MORC2: variants seen among roughly 807,000 people sequenced by gnomAD.
MORC2 encodes MORC family CW-type zinc finger 2.
In MORC2, 30 loss-of-function variants were observed where a neutral mutation model predicts 136.0. The observed-to-expected ratio is 0.22, with a 90% confidence interval of 0.17 to 0.30. The LOEUF is 0.30. MORC2 is among the 10% of genes least tolerant of loss of function. The pLI, the probability that MORC2 is intolerant of heterozygous loss-of-function variation, is 1.00. For missense variants in MORC2, 922 were observed against 1,333.1 expected (o/e 0.69, Z 4.80); for synonymous variants, 439 against 487.0 (o/e 0.90, Z 1.30).
rs779155513 is a variant in MORC2, at chr22:30,937,639, C to A, written c.1442G>T (p.Ser481Ile). 1.4e-5 allele frequency: 23 copies of A among 1,613,930 alleles called. No homozygotes were observed. In the South Asian group the frequency reaches 2.1e-4, roughly 15 times the overall value. ...LSANWNQPPS[S>I]ELRYKRRRAM... is the part of the protein sequence containing the mutation. The stretch of plus-strand genomic sequence containing the variant: ...TCTCCGGCGTTTGTAACGCAGCTCA[C>A]TGGATGGGGGCTGGTTCCAGTTGGC... Residue 481 changes from serine to isoleucine, a missense_variant, in exon 15 of 26, where the codon AGT becomes ATT. Ser to Ile is a moderately radical substitution (Grantham distance 142). Transcript: ENST00000397641. The surrounding 1 kb of genome is among the most constrained non-coding windows in gnomAD (Gnocchi z 4.7).
At chr22:30,952,153 A>G (rs1261516228) in intron 3 of MORC2, among the ~76,000 whole-genome samples, 1 of 152,212 alleles carries the variant, frequency 6.6e-6, no homozygotes, top group Non-Finnish European at 1.5e-5. Context: ...ATAAAAGTCC[A>G]AAAAGGCTTC....
At chr22:30,967,008 G>T in intron 1 of MORC2, 2 of 815,066 alleles carry the variant, frequency 2.5e-6, no homozygotes, top group Non-Finnish European at 3.0e-6. Flanking sequence ...TTCAGAGACT[G>T]GACCATTCAT....
chr22:30,931,769 C>T (rs1016303101), intron 24 of MORC2, among the ~76,000 whole-genome samples: 8 of 152,370 alleles, frequency 5.3e-5, no homozygotes, highest in African/African-American at 1.9e-4. Flanking sequence ...GCTGCTCCTG[C>T]CCCCATGTCC....
chr22:30,941,592 CT>C lies in MORC2; in HGVS notation c.699-35del, dbSNP rs1569194922. The C allele has an allele frequency of 6.2e-7, 1 of 1,604,150 alleles. No individual in the cohort carries two copies. The highest frequency in any genetic ancestry group is 2.2e-5 in the East Asian group (1 of 44,592). On this transcript the variant is annotated intron_variant, in intron 8 of 25. Coordinates refer to ENST00000397641, the MANE Select transcript of MORC2 (RefSeq NM_001303256.3). The surrounding 1 kb of genome is among the most constrained non-coding windows in gnomAD (Gnocchi z 4.6). ...GGCAAAAACAGAGAAGTGCTGTCACCTGCTCCACAACAGGCCTGACCAAGGG... is the reference window on the plus strand; with the variant it reads ...GGCAAAAACAGAGAAGTGCTGTCACCGCTCCACAACAGGCCTGACCAAGGG...
intron 1 of MORC2, among the ~76,000 whole-genome samples, chr22:30,962,735 C>G (rs2041068298): frequency 6.6e-6 from 1 of 152,106 alleles, no homozygotes; most frequent in South Asian, 2.1e-4. Flanking sequence ...CAGTACATAT[C>G]ATAAAAGAAG....
rs771703018 is a variant in MORC2 at position 30,934,773 on chromosome 22, C to T, written c.2193+8G>A. Reference sequence around the variant, plus strand: ...GGGCTGGGGTATTAAAGAGGACAAGCGTCTCACCGGGGAGAGTTTGATGGG... The same window carrying T: ...GGGCTGGGGTATTAAAGAGGACAAGTGTCTCACCGGGGAGAGTTTGATGGG... On this transcript the variant is annotated splice_region_variant and intron_variant, in intron 19 of 25. Transcript: ENST00000397641. The surrounding 1 kb of genome is among the most constrained non-coding windows in gnomAD (Gnocchi z 4.4). The T allele has an allele frequency of 1.5e-5, 24 of 1,613,208 alleles. 1 individual carries two copies. Among genetic ancestry groups the T allele is most frequent in the Middle Eastern group, 1.6e-4 (1 of 6,078 alleles).
chr22:30,968,286 C>T lies in MORC2; in HGVS notation c.-397G>A, dbSNP rs2041160424. ...ATGTTCTTCCAGCCTTTTTTGGTTC[C>T]CCGAAATTTCCTGTCAGGAAATTTA... On this transcript the variant is annotated 5_prime_UTR_variant, in exon 1 of 26. Transcript: ENST00000397641. 6.4e-6 allele frequency: 1 copy of T among 156,976 alleles called. No homozygotes were observed. Among genetic ancestry groups the T allele is most frequent in the African/African-American group, 2.4e-5 (1 of 41,406 alleles). The allele number at this position is 156,976 out of a possible 1,614,324, so 9.7% of individuals were successfully genotyped here.
At chr22:30,952,844 C>T (rs760840511) in intron 3 of MORC2, among the ~76,000 whole-genome samples, 2 of 152,184 alleles carry the variant, frequency 1.3e-5, no homozygotes, top group African/African-American at 4.8e-5. Context: ...GATTCTACTG[C>T]CTGCAGCAGA....
At chr22:30,936,881 G>A (rs1285676725) in intron 16 of MORC2, 51 bp downstream of exon 16, 3 of 1,527,850 alleles carry the variant, frequency 2.0e-6, no homozygotes, top group Middle Eastern at 1.7e-4. Flanking sequence ...AACACAGTGA[G>A]GGGCAGGGGA....
At chr22:30,967,527 T>TG (rs2041147135) in intron 1 of MORC2, 1 of 1,195,704 alleles carries the variant, frequency 8.4e-7, no homozygotes. Context: ...CAGTATTTGT[T>TG]GGATTCCTAT....
chr22:30,934,674 G>T lies in MORC2; in HGVS notation c.2193+107C>A. 6.9e-7 allele frequency: 1 copy of T among 1,450,072 alleles called. No individual in the cohort carries two copies. Among genetic ancestry groups the T allele is most frequent in the South Asian group, 1.3e-5 (1 of 75,788 alleles). 89.8% of individuals were successfully genotyped at this position (1,450,072 alleles called of 1,614,324 possible). On this transcript the variant is annotated intron_variant, in intron 19 of 25. Transcript: ENST00000397641. This position sits in a 1 kb window ranked among gnomAD's most constrained non-coding sequence, Gnocchi z 4.4. Reference sequence around the variant, plus strand: ...CCTCAGGGGCAGCAGCAAAGCTTTAGATTCAGTATCTTCCGAAGGCTCCCC... The same window carrying T: ...CCTCAGGGGCAGCAGCAAAGCTTTATATTCAGTATCTTCCGAAGGCTCCCC...
Position 30,950,402 on chromosome 22 carries a change from C to CA in MORC2, c.200dup (p.Leu67PhefsTer3). 2.6e-6 allele frequency: 4 copies of CA among 1,519,498 alleles called. No individual in the cohort carries two copies. Among genetic ancestry groups the CA allele is most frequent in the Non-Finnish European group, 3.6e-6 (4 of 1,121,796 alleles). The allele number at this position is 1,519,498 out of a possible 1,614,324, so 94.1% of individuals were successfully genotyped here. A position where few individuals can be genotyped will look rare whatever the true frequency, so the allele number is the denominator to read the frequency against. ...TTGGATCCATTCCTGCTCCATCATC[C>CA]AAAAAGCAAAGCATAAATCCTCCTC... On this transcript the variant is annotated frameshift_variant, in exon 4 of 26. Coordinates refer to ENST00000397641, the MANE Select transcript of MORC2 (RefSeq NM_001303256.3). LOFTEE classifies it high-confidence loss of function.
At chr22:30,955,807 G>A (rs1490525386) in intron 3 of MORC2, among the ~76,000 whole-genome samples, 1 of 152,010 alleles carries the variant, frequency 6.6e-6, no homozygotes, top group East Asian at 1.9e-4. Flanking sequence ...TCATGAGTTT[G>A]AGACCAGCCT....
intron 1 of MORC2, 36 bp downstream of exon 1, chr22:30,967,777 GGAACGAGTT>G: frequency 6.5e-7 from 1 of 1,548,674 alleles, no homozygotes; most frequent in African/African-American, 1.4e-5. Context: ...ATAATATCAA[GGAACGAGTT>G]ACTGGTTACC....
At chr22:30,938,256 C>T (rs1039086460) in intron 12 of MORC2, 51 bp from the exon 13 acceptor site, 7 of 1,603,258 alleles carry the variant, frequency 4.4e-6, no homozygotes, top group Non-Finnish European at 6.0e-6. Context: ...ACACAAGCAC[C>T]ATAGTGTTTA....
chr22:30,964,006 A>G (rs1015981842), intron 1 of MORC2, among the ~76,000 whole-genome samples: 12 of 152,334 alleles, frequency 7.9e-5, no homozygotes, highest in African/African-American at 2.9e-4. Flanking sequence ...TAAAGTAATA[A>G]GTAATCTAAG....
At chr22:30,931,620 C>T (rs1403095109) in intron 24 of MORC2, among the ~76,000 whole-genome samples, 3 of 152,188 alleles carry the variant, frequency 2.0e-5, no homozygotes, top group African/African-American at 7.2e-5. Context: ...CTCACAGAAG[C>T]CCCCACCTCA....
chr22:30,967,935 T>A lies in MORC2; in HGVS notation c.-46A>T. Reference sequence around the variant, plus strand: ...CCCTTCACCCGCTAACTGGGAAATATAACCTTATAATGATATCGATTTCCC... The same window carrying A: ...CCCTTCACCCGCTAACTGGGAAATAAAACCTTATAATGATATCGATTTCCC... On this transcript the variant is annotated 5_prime_UTR_variant, in exon 1 of 26. Coordinates refer to ENST00000397641, the MANE Select transcript of MORC2 (RefSeq NM_001303256.3). 2 of 1,407,644 alleles carry A rather than the reference T, an allele frequency of 1.4e-6. No homozygotes were observed. Among genetic ancestry groups the A allele is most frequent in the Non-Finnish European group, 2.0e-6 (2 of 1,016,572 alleles). The allele number at this position is 1,407,644 out of a possible 1,614,324, so 87.2% of individuals were successfully genotyped here. A position where few individuals can be genotyped will look rare whatever the true frequency, so the allele number is the denominator to read the frequency against.
At chr22:30,956,472 C>T (rs1238710597) in intron 3 of MORC2, among the ~76,000 whole-genome samples, 3 of 152,202 alleles carry the variant, frequency 2.0e-5, no homozygotes, top group Non-Finnish European at 2.9e-5. Context: ...ATAACTTGGT[C>T]ATTTCACTCT....
Sources: allele counts gnomAD v4.1 joint callset (sites outside exome capture counted in the v4.1 genomes callset), GRCh38; gene constraint gnomAD v4.1.1; non-coding constraint Gnocchi (gnomAD v3.1); transcripts MANE v1.5; gene names NCBI Gene and HGNC (gene_info 2026-07-23, HGNC 2026-07-21).